SNRPA: variants seen among roughly 807,000 people sequenced by gnomAD.
SNRPA encodes the protein U1 small nuclear ribonucleoprotein A.
A neutral mutation model predicts 24.5 loss-of-function variants in SNRPA; 10 were observed. That is an observed-to-expected ratio of 0.41 (90% CI 0.25 to 0.69). The LOEUF (loss-of-function observed/expected upper bound fraction) is 0.69, where lower values mean the gene tolerates loss of function less well. Ranked by LOEUF, SNRPA falls within the 30% of genes least tolerant of loss-of-function variation. The probability of loss-of-function intolerance (pLI) is 0.33; values close to 1 mark genes in which losing one functional copy is unlikely to be tolerated. For synonymous variants in SNRPA, 165 were observed against 148.4 expected (o/e 1.11, Z -0.81); for missense variants, 283 against 394.7 (o/e 0.72, Z 2.40).
chr19:40,752,756 G>GAA (rs11364402), intron 1 of SNRPA, among the ~76,000 whole-genome samples: 1 of 148,846 alleles, frequency 6.7e-6, no homozygotes, highest in Non-Finnish European at 1.5e-5. Context: ...CTGAAAAAAG[G>GAA]AAAAAAAAAA....
At chr19:40,757,857 G>A (rs905252559) in intron 2 of SNRPA, among the ~76,000 whole-genome samples, 1 of 151,532 alleles carries the variant, frequency 6.6e-6, no homozygotes, top group African/African-American at 2.4e-5. Context: ...AAGGAGAATT[G>A]CTTGAACCCG....
chr19:40,760,707 G>C (rs538143985), intron 3 of SNRPA, among the ~76,000 whole-genome samples: 5 of 152,294 alleles, frequency 3.3e-5, no homozygotes, highest in African/African-American at 9.6e-5. Flanking sequence ...GGGAGGCCAA[G>C]ATAGGAGGAT....
At chr19:40,752,397 G>A (rs571700188) in intron 1 of SNRPA, among the ~76,000 whole-genome samples, 6 of 150,576 alleles carry the variant, frequency 4.0e-5, no homozygotes, top group Non-Finnish European at 8.9e-5. Flanking sequence ...CTTGCCCAGG[G>A]TCACATAGCA....
In SNRPA at chr19:40,751,272, C is replaced by G. The variant is rs900753364; in HGVS notation, c.-137C>G. On this transcript the variant is annotated 5_prime_UTR_variant, in exon 1 of 6. Transcript: ENST00000243563. ...TTGTCGCGCTTTGCCTCCGTCCTTG[C>G]CCCTACTCCCGCCTTACCTGACTTC... 9.6e-6 allele frequency: 7 copies of G among 730,526 alleles called. No individual in the cohort carries two copies. Among genetic ancestry groups the G allele is most frequent in the Non-Finnish European group, 1.5e-5 (6 of 396,818 alleles). The allele number at this position is 730,526 out of a possible 1,614,324, so 45.3% of individuals were successfully genotyped here.
At chr19:40,760,692 A>C in intron 3 of SNRPA, among the ~76,000 whole-genome samples, 1 of 152,190 alleles carries the variant, frequency 6.6e-6, no homozygotes, top group East Asian at 1.9e-4. Context: ...TAATCCCAGC[A>C]CTTTGGGAGG....
chr19:40,751,356 A>G lies in SNRPA; in HGVS notation c.-53A>G. 7.3e-7 allele frequency: 1 copy of G among 1,375,194 alleles called. No homozygotes were observed. The highest frequency in any genetic ancestry group is 1.0e-6 in the Non-Finnish European group (1 of 962,562). The allele number at this position is 1,375,194 out of a possible 1,614,324, so 85.2% of individuals were successfully genotyped here. ...TGGGACAAAGGATTTGGAGAAACCC[A>G]GGGCTAAAGTCACGTTTTTCCTCCT... On this transcript the variant is annotated 5_prime_UTR_variant, in exon 1 of 6. Transcript: ENST00000243563.
chr19:40,754,561 A>C (rs992728359), intron 1 of SNRPA, among the ~76,000 whole-genome samples: 1 of 152,218 alleles, frequency 6.6e-6, no homozygotes, highest in East Asian at 1.9e-4. Flanking sequence ...TGCCAGGTAC[A>C]GTAAGCAGTA....
Position 40,757,345 on chromosome 19 carries a change from C to A in SNRPA, c.87C>A (p.Ser29=). The change falls in exon 2 of 6, where the codon TCC becomes TCA. Residue 29 remains serine, a synonymous_variant. Coordinates refer to ENST00000243563, the MANE Select transcript of SNRPA (RefSeq NM_004596.5). ...CCCCCACTGCAGAGCTAAAAAAGTC[C>A]CTGTACGCCATCTTCTCCCAGTTTG... ...EKIKKDELKK[S]LYAIFSQFGQ... is the part of the protein sequence containing the mutation. 6.2e-7 allele frequency: 1 copy of A among 1,614,020 alleles called. No homozygotes were observed. Among genetic ancestry groups the A allele is most frequent in the Non-Finnish European group, 8.5e-7 (1 of 1,179,988 alleles).
rs1369990618 is a variant in SNRPA at position 40,751,336 on chromosome 19, C to G, written c.-73C>G. 2 of 1,180,946 alleles carry G rather than the reference C, an allele frequency of 1.7e-6. No homozygotes were observed. Among genetic ancestry groups the G allele is most frequent in the Non-Finnish European group, 2.5e-6 (2 of 785,848 alleles). The allele number at this position is 1,180,946 out of a possible 1,614,324, so 73.2% of individuals were successfully genotyped here. On this transcript the variant is annotated 5_prime_UTR_variant, in exon 1 of 6. Transcript: ENST00000243563. ...GATCCTTGAGCAGCCGACGTTGGGA[C>G]AAAGGATTTGGAGAAACCCAGGGCT...
At chr19:40,756,151 C>T (rs1457183496) in intron 1 of SNRPA, among the ~76,000 whole-genome samples, 1 of 151,840 alleles carries the variant, frequency 6.6e-6, no homozygotes, top group Non-Finnish European at 1.5e-5. Context: ...TGCCTATGGT[C>T]CCAGCTCCTT....
Position 40,762,988 on chromosome 19 carries a change from C to A in SNRPA, c.514C>A (p.Pro172Thr), listed in dbSNP as rs1363569282. The stretch of plus-strand genomic sequence containing the variant: ...CATGCCGCCCCCTGGTATGATCCCC[C>A]CGCCAGGCCTTGCACCTGGCCAGAT... ...PYMPPPGMIP[P>T]PGLAPGQIPP... The change falls in exon 4 of 6, where the codon CCG becomes ACG. Residue 172 changes from proline to threonine, a missense_variant. By Grantham distance (38) the Pro-to-Thr change is conservative. Transcript: ENST00000243563. 2 of 1,611,858 alleles carry A rather than the reference C, an allele frequency of 1.2e-6. No homozygotes were observed. Among genetic ancestry groups the A allele is most frequent in the Non-Finnish European group, 1.7e-6 (2 of 1,178,564 alleles).
chr19:40,751,725 G>T (rs1487288827), intron 1 of SNRPA, among the ~76,000 whole-genome samples: 1 of 152,152 alleles, frequency 6.6e-6, no homozygotes, highest in Non-Finnish European at 1.5e-5. Flanking sequence ...CCTCCAGGAA[G>T]CCTTGCCTTG....
chr19:40,763,507 G>A, intron 4 of SNRPA, 80 bp from the exon 5 acceptor site: 1 of 1,054,242 alleles, frequency 9.5e-7, no homozygotes, highest in Non-Finnish European at 1.5e-6. Flanking sequence ...CAGGGTGAGG[G>A]ATGGAGGAAG....
chr19:40,751,292 G>C lies in SNRPA; in HGVS notation c.-117G>C. 2 of 805,902 alleles carry C rather than the reference G, an allele frequency of 2.5e-6. No homozygotes were observed. Among genetic ancestry groups the C allele is most frequent in the South Asian group, 2.8e-5 (2 of 71,400 alleles). The allele number at this position is 805,902 out of a possible 1,614,324, so 49.9% of individuals were successfully genotyped here. On this transcript the variant is annotated 5_prime_UTR_variant, in exon 1 of 6. Transcript: ENST00000243563. ...CCTTGCCCCTACTCCCGCCTTACCT[G>C]ACTTCCTTTTCGGAGGAAGATCCTT...
At position 40,754,167 on chromosome 19, in the gene SNRPA, G is replaced by A. The variant is rs1271066761; in HGVS notation, c.73+2686G>A. ...TGCCCAGGCTGGAATGCAGTGGTGC[G>A]ATCTCAGCTCACTGCAACCTCCGCC... On this transcript the variant is annotated intron_variant, in intron 1 of 5. Transcript: ENST00000243563. Among the ~76,000 whole-genome samples the A allele has an allele frequency of 2.0e-5, 3 of 148,450 alleles. No homozygotes were observed. The East Asian group carries it at 6.0e-4, about 30-fold the overall frequency.
chr19:40,759,667 G>T, intron 3 of SNRPA, 57 bp downstream of exon 3: 1 of 1,503,388 alleles, frequency 6.7e-7, no homozygotes, highest in Non-Finnish European at 9.0e-7. Context: ...CAGCCACATG[G>T]ACTGGCTTTG....
chr19:40,753,962 C>T (rs969971068), intron 1 of SNRPA, among the ~76,000 whole-genome samples: 3 of 151,346 alleles, frequency 2.0e-5, no homozygotes, highest in Middle Eastern at 3.2e-3. Context: ...CCAGCACACC[C>T]GGCTAATTTT....
intron 1 of SNRPA, among the ~76,000 whole-genome samples, chr19:40,756,702 C>T (rs575323996): frequency 5.9e-5 from 9 of 151,742 alleles, no homozygotes; most frequent in South Asian, 2.1e-4. Flanking sequence ...GACAAGTTAA[C>T]GTACCATGAC....
intron 2 of SNRPA, among the ~76,000 whole-genome samples, chr19:40,758,006 G>T (rs2082915662): frequency 6.6e-6 from 1 of 151,678 alleles, no homozygotes; most frequent in East Asian, 1.9e-4. Context: ...TTCCTCTGTT[G>T]CCCAGGCTGG....
Sources: allele counts gnomAD v4.1 joint callset (sites outside exome capture counted in the v4.1 genomes callset), GRCh38; gene constraint gnomAD v4.1.1; transcripts MANE v1.5; gene names NCBI Gene and HGNC (gene_info 2026-07-23, HGNC 2026-07-21).